The following SIPA1L1 variants were observed in gnomAD, a reference collection of about 807,000 sequenced individuals.
SIPA1L1 encodes the protein signal-induced proliferation-associated 1-like protein 1.
In SIPA1L1, 26 loss-of-function variants were observed where a neutral mutation model predicts 162.7. The ratio of observed to expected loss-of-function variants is 0.16; its 90% CI spans 0.12 to 0.22. SIPA1L1 has a LOEUF of 0.22. Ranked by LOEUF, SIPA1L1 falls within the 10% of genes least tolerant of loss-of-function variation. SIPA1L1 has a pLI of 1.00. For missense variants in SIPA1L1, 1,874 were observed against 2,241.0 expected (o/e 0.84, Z 3.31); for synonymous variants, 829 against 837.4 (o/e 0.99, Z 0.17).
Position 71,588,797 on chromosome 14 carries a change from A to G in SIPA1L1, c.925A>G (p.Lys309Glu). 2 of 1,614,130 alleles carry G rather than the reference A, an allele frequency of 1.2e-6. No individual in the cohort carries two copies. Among genetic ancestry groups the G allele is most frequent in the Non-Finnish European group, 1.7e-6 (2 of 1,179,992 alleles). The change falls in exon 5 of 24, where the codon AAG becomes GAG. Residue 309 changes from lysine to glutamate, a missense_variant. Physicochemically the swap from Lys to Glu is moderately conservative, Grantham distance 56 (BLOSUM62 1). Around this residue, in one of 5 missense-constraint regions of SIPA1L1, gnomAD observed 685 missense variants for 828.0 expected, o/e 0.83. Transcript: ENST00000381232. This position sits in a 1 kb window ranked among gnomAD's most constrained non-coding sequence, Gnocchi z 4.3. ...LRNAKGEELG[K>E]SSDLEDNRSE... ...CAATGCCAAAGGTGAAGAACTTGGG[A>G]AGTCATCAGATCTTGAAGATAACCG... is the stretch of plus-strand genomic sequence containing the variant.
chr14:71,663,124 T>A (rs1386886775), intron 10 of SIPA1L1, among the ~76,000 whole-genome samples: 1 of 152,228 alleles, frequency 6.6e-6, no homozygotes, highest in African/African-American at 2.4e-5. Context: ...ATAGCCAGAT[T>A]TTTTTAAAAA....
At chr14:71,584,261 T>G (rs1426560752) in intron 4 of SIPA1L1, among the ~76,000 whole-genome samples, 1 of 152,154 alleles carries the variant, frequency 6.6e-6, no homozygotes, top group Non-Finnish European at 1.5e-5. Context: ...GTACAGATGC[T>G]TCACAGAGCC....
intron 2 of SIPA1L1, among the ~76,000 whole-genome samples, chr14:71,370,435 C>G (rs1339170075): frequency 6.6e-6 from 1 of 151,978 alleles, no homozygotes; most frequent in African/African-American, 2.4e-5. Flanking sequence ...TGGTTTTTGT[C>G]TTTGGCTCTT....
chr14:71,626,366 A>G (rs558182542), intron 7 of SIPA1L1, among the ~76,000 whole-genome samples: 2 of 152,336 alleles, frequency 1.3e-5, no homozygotes, highest in East Asian at 1.9e-4. Context: ...TGGACTAAAG[A>G]GCACCGGGGG....
intron 7 of SIPA1L1, 132 bp downstream of exon 7, chr14:71,624,368 A>G: frequency 1.4e-6 from 1 of 735,596 alleles, no homozygotes; most frequent in East Asian, 3.0e-5. Flanking sequence ...TCTCTTTGCA[A>G]TTACTCATTT....
At position 71,709,541 on chromosome 14, in the gene SIPA1L1, G is replaced by C. The variant is rs200236234; in HGVS notation, c.4085G>C (p.Gly1362Ala). The C allele has an allele frequency of 2.1e-5, 34 of 1,614,088 alleles. No individual in the cohort carries two copies. Among genetic ancestry groups the C allele is most frequent in the Non-Finnish European group, 2.7e-5 (32 of 1,180,050 alleles). ...CGGACTTTGGAGACAGAGAGCCACG[G>C]CCTGGACCGGAAAACAGAGTCTTCC... ...ADRTLETESH[G>A]LDRKTESSLS... The change falls in exon 17 of 24, where the codon GGC becomes GCC. Residue 1362 changes from glycine (G) to alanine (A), a missense_variant. Transcript: ENST00000381232.
At chr14:71,346,733 A>G (rs1482021532) in intron 2 of SIPA1L1, among the ~76,000 whole-genome samples, 1 of 152,228 alleles carries the variant, frequency 6.6e-6, no homozygotes, top group Non-Finnish European at 1.5e-5. Context: ...TAGCCCATTT[A>G]AAGTGTACAA....
chr14:71,591,017 T>C (rs573737451), intron 5 of SIPA1L1, among the ~76,000 whole-genome samples: 1 of 152,270 alleles, frequency 6.6e-6, no homozygotes, highest in South Asian at 2.1e-4. Context: ...TTACTGTACC[T>C]GTGCAAATTT....
chr14:71,591,492 G>A (rs914330268), intron 5 of SIPA1L1, among the ~76,000 whole-genome samples: 5 of 152,130 alleles, frequency 3.3e-5, no homozygotes, highest in Non-Finnish European at 5.9e-5. Context: ...GATTAATCCT[G>A]TTTGTTCATA....
intron 8 of SIPA1L1, among the ~76,000 whole-genome samples, chr14:71,657,413 G>C (rs897354326): frequency 6.6e-6 from 1 of 151,032 alleles, no homozygotes; most frequent in Non-Finnish European, 1.5e-5. Flanking sequence ...ATGTACTTCT[G>C]TTCCTTTTGC....
At chr14:71,354,482 G>T (rs548517376) in intron 2 of SIPA1L1, among the ~76,000 whole-genome samples, 1 of 151,778 alleles carries the variant, frequency 6.6e-6, no homozygotes, top group East Asian at 1.9e-4. Flanking sequence ...TCACCATGTT[G>T]GCCAGGCTTG....
intron 2 of SIPA1L1, among the ~76,000 whole-genome samples, chr14:71,326,738 G>T (rs1304575310): frequency 3.6e-4 from 41 of 114,860 alleles, no homozygotes; most frequent in Admixed American, 1.7e-3. Context: ...TTTTTTTTGA[G>T]ATGGAGTCTG....
At chr14:71,654,487 G>A (rs2042895181) in intron 8 of SIPA1L1, among the ~76,000 whole-genome samples, 1 of 152,180 alleles carries the variant, frequency 6.6e-6, no homozygotes, top group African/African-American at 2.4e-5. Context: ...AGGAGACTTA[G>A]AAGCCGTTTG....
chr14:71,475,218 A>G (rs933488916), intron 2 of SIPA1L1, among the ~76,000 whole-genome samples: 20 of 152,262 alleles, frequency 1.3e-4, no homozygotes, highest in Admixed American at 1.2e-3. Flanking sequence ...GCTATAGCAT[A>G]TACTTCAGGC....
intron 4 of SIPA1L1, among the ~76,000 whole-genome samples, chr14:71,560,526 T>C (rs1036986879): frequency 3.9e-5 from 6 of 152,192 alleles, no homozygotes; most frequent in Non-Finnish European, 8.8e-5. Context: ...TAAAGAGTGT[T>C]GCAGGCTTCT....
intron 2 of SIPA1L1, among the ~76,000 whole-genome samples, chr14:71,383,187 C>T (rs529372644): frequency 4.0e-4 from 61 of 152,288 alleles, no homozygotes; most frequent in African/African-American, 1.2e-3. Context: ...TTCCTCATAA[C>T]AATAACATAG....
intron 2 of SIPA1L1, among the ~76,000 whole-genome samples, chr14:71,349,065 A>G (rs1477989320): frequency 6.6e-6 from 1 of 152,238 alleles, no homozygotes; most frequent in Non-Finnish European, 1.5e-5. Flanking sequence ...AAGAAAGAAA[A>G]TATCACAGAT....
intron 4 of SIPA1L1, among the ~76,000 whole-genome samples, chr14:71,539,696 T>G (rs1359598877): frequency 1.3e-5 from 2 of 152,204 alleles, no homozygotes; most frequent in African/African-American, 4.8e-5. Flanking sequence ...TTTTGTTTTG[T>G]GATTTAACTC....
At chr14:71,390,164 CTTAAAAT>C (rs1209656305) in intron 2 of SIPA1L1, among the ~76,000 whole-genome samples, 2 of 152,164 alleles carry the variant, frequency 1.3e-5, no homozygotes, top group African/African-American at 4.8e-5. Flanking sequence ...AACCTAACGA[CTTAAAAT>C]GATACAGCTG....
Sources: allele counts gnomAD v4.1 joint callset (sites outside exome capture counted in the v4.1 genomes callset), GRCh38; gene constraint gnomAD v4.1.1; regional missense constraint gnomAD v4.1.1; non-coding constraint Gnocchi (gnomAD v3.1); transcripts MANE v1.5; gene names NCBI Gene and HGNC (gene_info 2026-07-23, HGNC 2026-07-21).